The following MAPRE3 variants were observed in gnomAD, a reference collection of about 807,000 sequenced individuals.
MAPRE3 encodes microtubule associated protein RP/EB family member 3.
In MAPRE3, 2 loss-of-function variants were observed where a neutral mutation model predicts 30.5. The ratio of observed to expected loss-of-function variants is 0.07; its 90% CI spans 0.03 to 0.21. MAPRE3 has a LOEUF of 0.21. Ranked by LOEUF, MAPRE3 falls within the 10% of genes least tolerant of loss-of-function variation. The probability of loss-of-function intolerance (pLI) is 1.00; values close to 1 mark genes in which losing one functional copy is unlikely to be tolerated. For synonymous variants in MAPRE3, 110 were observed against 127.7 expected (o/e 0.86, Z 0.93); for missense variants, 204 against 351.8 (o/e 0.58, Z 3.36).
Position 27,026,044 on chromosome 2 carries a change from C to T in MAPRE3, c.777+12C>T, listed in dbSNP as rs1222103680. On this transcript the variant is annotated intron_variant, in intron 6 of 6. Transcript: ENST00000233121. ...TCTATGCCACAGAGGTGAGCACTCC[C>T]AGGCCCATTGGGCCCTCCCCAGTCT... is the stretch of plus-strand genomic sequence containing the variant. 6.2e-7 allele frequency: 1 copy of T among 1,614,040 alleles called. No homozygotes were observed. Among genetic ancestry groups the T allele is most frequent in the South Asian group, 1.1e-5 (1 of 91,078 alleles).
At chr2:26,997,257 G>A (rs992042888) in intron 1 of MAPRE3, among the ~76,000 whole-genome samples, 2 of 152,148 alleles carry the variant, frequency 1.3e-5, no homozygotes, top group Non-Finnish European at 2.9e-5. Context: ...CTTAGATCAA[G>A]CTTGTCCAAT....
chr2:26,994,517 T>C (rs1182235104), intron 1 of MAPRE3, among the ~76,000 whole-genome samples: 2 of 152,234 alleles, frequency 1.3e-5, no homozygotes, highest in African/African-American at 4.8e-5. Flanking sequence ...TGCACTAACA[T>C]AGTTTTCCTT....
At chr2:26,989,594 T>C (rs1420145977) in intron 1 of MAPRE3, among the ~76,000 whole-genome samples, 1 of 152,130 alleles carries the variant, frequency 6.6e-6, no homozygotes, top group African/African-American at 2.4e-5. Flanking sequence ...ACTTCCCAGA[T>C]GAAAGGTGAT....
At chr2:27,010,833 C>T (rs1666840601) in intron 1 of MAPRE3, among the ~76,000 whole-genome samples, 1 of 152,230 alleles carries the variant, frequency 6.6e-6, no homozygotes, top group Admixed American at 6.5e-5. Flanking sequence ...TGAAGTGCTG[C>T]AGCAGACACA....
In MAPRE3 at chr2:27,015,450, C is replaced by T. The variant is rs1036837050; in HGVS notation, c.-7-6762C>T. On this transcript the variant is annotated intron_variant, in intron 1 of 6. Transcript: ENST00000233121. The surrounding 1 kb of genome is among the most constrained non-coding windows in gnomAD (Gnocchi z 4.0). Reference sequence around the variant, plus strand: ...TGCCTGGAGATCTAGTGTTCTTAAGCACTACCTTTCTGGAGCTTGCTGGAG... The same window carrying T: ...TGCCTGGAGATCTAGTGTTCTTAAGTACTACCTTTCTGGAGCTTGCTGGAG... Among the ~76,000 whole-genome samples the T allele has an allele frequency of 6.6e-6, 1 of 152,172 alleles. No individual in the cohort carries two copies. Among genetic ancestry groups the T allele is most frequent in the South Asian group, 2.1e-4 (1 of 4,832 alleles).
chr2:26,991,981 A>G (rs1666354417), intron 1 of MAPRE3, among the ~76,000 whole-genome samples: 1 of 152,142 alleles, frequency 6.6e-6, no homozygotes, highest in Non-Finnish European at 1.5e-5. Context: ...CCACCACCAC[A>G]CACTCATATA....
chr2:26,990,502 C>A (rs1666315496), intron 1 of MAPRE3, among the ~76,000 whole-genome samples: 1 of 152,012 alleles, frequency 6.6e-6, no homozygotes, highest in Non-Finnish European at 1.5e-5. Context: ...ACCATGCAAC[C>A]ATCAAAGAGA....
chr2:26,972,389 C>T (rs1665932378), intron 1 of MAPRE3, among the ~76,000 whole-genome samples: 1 of 152,242 alleles, frequency 6.6e-6, no homozygotes, highest in South Asian at 2.1e-4. Flanking sequence ...GCCCCCATGC[C>T]CATCAGATTA....
At chr2:26,995,289 T>C (rs1666427743) in intron 1 of MAPRE3, among the ~76,000 whole-genome samples, 1 of 152,214 alleles carries the variant, frequency 6.6e-6, no homozygotes, top group Admixed American at 6.5e-5. Flanking sequence ...CTCTATTCTT[T>C]CCTGGTTTTG....
chr2:27,024,761 T>A (rs1667197736), intron 4 of MAPRE3, among the ~76,000 whole-genome samples: 1 of 152,056 alleles, frequency 6.6e-6, no homozygotes, highest in South Asian at 2.1e-4. Context: ...TAGTCCTAAG[T>A]CCTCAAAAGA....
chr2:26,995,823 G>GTA (rs1558376864), intron 1 of MAPRE3, among the ~76,000 whole-genome samples: 2 of 150,168 alleles, frequency 1.3e-5, no homozygotes, highest in African/African-American at 4.9e-5. Context: ...GTGTGTGTGT[G>GTA]TGTGTGTATG....
At chr2:27,025,468 G>A in intron 4 of MAPRE3, 115 bp from the exon 5 acceptor site, 6 of 1,076,658 alleles carry the variant, frequency 5.6e-6, no homozygotes, top group Non-Finnish European at 8.0e-6. Context: ...GGGCAGGGGG[G>A]TGAGAGTGCC....
intron 1 of MAPRE3, among the ~76,000 whole-genome samples, chr2:27,017,346 C>G (rs1667012697): frequency 6.6e-6 from 1 of 152,158 alleles, no homozygotes; most frequent in Non-Finnish European, 1.5e-5. Flanking sequence ...CCCCAGAAGC[C>G]CCATAGTGGG....
chr2:26,983,043 A>C (rs1666145440), intron 1 of MAPRE3, among the ~76,000 whole-genome samples: 1 of 152,176 alleles, frequency 6.6e-6, no homozygotes, highest in Non-Finnish European at 1.5e-5. Flanking sequence ...TGTCAGAGGG[A>C]AATGGAAAGA....
At chr2:27,007,988 CT>C (rs1387741614) in intron 1 of MAPRE3, among the ~76,000 whole-genome samples, 3 of 152,112 alleles carry the variant, frequency 2.0e-5, no homozygotes, top group African/African-American at 7.2e-5. Flanking sequence ...ATGATGAGTC[CT>C]TTCTCTATCA....
chr2:27,025,008 C>T (rs966210314), intron 4 of MAPRE3, among the ~76,000 whole-genome samples: 2 of 152,152 alleles, frequency 1.3e-5, no homozygotes, highest in Non-Finnish European at 1.5e-5. Context: ...TAGGGAGGTG[C>T]AGTCGCTAGT....
Position 27,026,433 on chromosome 2 carries a change from C to A in MAPRE3, c.*85C>A. On this transcript the variant is annotated 3_prime_UTR_variant, in exon 7 of 7. Coordinates refer to ENST00000233121, the MANE Select transcript of MAPRE3 (RefSeq NM_012326.4). ...CCCACATTATAGTCCTTTCCTAACA[C>A]GGTCGGCCGGGTGCTTTGTGTCAGT... is the stretch of plus-strand genomic sequence containing the variant. The A allele has an allele frequency of 8.3e-7, 1 of 1,208,176 alleles. No homozygotes were observed. The highest frequency in any genetic ancestry group is 1.2e-6 in the Non-Finnish European group (1 of 843,930). The allele number at this position is 1,208,176 out of a possible 1,614,324, so 74.8% of individuals were successfully genotyped here.
intron 1 of MAPRE3, among the ~76,000 whole-genome samples, chr2:27,019,529 G>A (rs925046728): frequency 9.2e-5 from 14 of 152,190 alleles, no homozygotes; most frequent in African/African-American, 1.2e-4. Context: ...GACATGGGGC[G>A]CAGGCATTTA....
chr2:26,991,392 G>A (rs1384224362), intron 1 of MAPRE3, among the ~76,000 whole-genome samples: 2 of 152,238 alleles, frequency 1.3e-5, no homozygotes, highest in East Asian at 3.8e-4. Flanking sequence ...GGAAGGAAGT[G>A]ATAGTGGTGG....
Sources: gnomAD v4.1 joint callset for allele counts (sites outside exome capture counted in the v4.1 genomes callset) on GRCh38, gnomAD v4.1.1 for gene constraint, Gnocchi (gnomAD v3.1) non-coding constraint, MANE v1.5 for transcripts, NCBI Gene and HGNC (gene_info 2026-07-23, HGNC 2026-07-21) for gene names.